The following DNAH10 variants were observed in gnomAD, a reference collection of about 807,000 sequenced individuals.
DNAH10 encodes the protein axonemal beta dynein heavy chain 10.
Under a neutral mutation model 506.6 loss-of-function variants are expected in DNAH10, and 348 were observed. The ratio of observed to expected loss-of-function variants is 0.69; its 90% CI spans 0.63 to 0.75. The LOEUF (loss-of-function observed/expected upper bound fraction) is 0.75. Ranked by LOEUF, DNAH10 falls within the 30% of genes least tolerant of loss-of-function variation. DNAH10 has a pLI of 0.00. For missense variants in DNAH10, 5,179 were observed against 5,787.1 expected, an observed-to-expected ratio of 0.89 and a Z score of 3.41; for synonymous variants, 2,059 against 2,198.6, an observed-to-expected ratio of 0.94 and a Z score of 1.78.
Position 123,909,410 on chromosome 12 carries a change from C to T in DNAH10, c.9965C>T (p.Ser3322Leu), listed in dbSNP as rs764702529. The T allele has an allele frequency of 1.9e-5, 31 of 1,607,136 alleles. No individual in the cohort carries two copies. The highest frequency in any genetic ancestry group is 9.4e-5 in the African/African-American group (7 of 74,824). Reference sequence around the variant, plus strand: ...TCTCTGATGGAGATTGATTTTGATTCGATTACCCAGAGCCAAGTGAAAAAC... The same window carrying T: ...TCTCTGATGGAGATTGATTTTGATTTGATTACCCAGAGCCAAGTGAAAAAC... The part of the protein sequence containing the change: ...LRSLMEIDFD[S>L]ITQSQVKNIK... Residue 3322 changes from serine to leucine, a missense_variant, in exon 58 of 79, where the codon TCG (serine) becomes TTG (leucine). Transcript: ENST00000673944. This position sits in a 1 kb window ranked among gnomAD's most constrained non-coding sequence, Gnocchi z 5.4.
chr12:123,851,133 C>T, intron 35 of DNAH10, 57 bp downstream of exon 35: 1 of 1,506,054 alleles, frequency 6.6e-7, no homozygotes, highest in Non-Finnish European at 8.9e-7. Flanking sequence ...GGGTCTGCTT[C>T]CAGACTGGGG....
intron 28 of DNAH10, among the ~76,000 whole-genome samples, chr12:123,836,583 C>T (rs562943182): frequency 2.0e-5 from 3 of 152,306 alleles, no homozygotes; most frequent in East Asian, 1.9e-4. Flanking sequence ...TCTCAAAGCC[C>T]GGGTATTTTG....
intron 23 of DNAH10, 27 bp downstream of exon 23, chr12:123,819,277 G>T (rs992230355): frequency 1.9e-5 from 29 of 1,541,030 alleles, no homozygotes; most frequent in Non-Finnish European, 2.6e-5. Flanking sequence ...TGGTCTTACT[G>T]AGCGATCTGA....
rs748320185 is a variant in DNAH10, at chr12:123,853,114, C to G, written c.6292-92C>G. The G allele has an allele frequency of 1.9e-4, 256 of 1,319,862 alleles. No homozygotes were observed. Among genetic ancestry groups the G allele is most frequent in the Non-Finnish European group, 2.4e-4 (239 of 1,005,758 alleles). 81.8% of individuals were successfully genotyped at this position (1,319,862 alleles called of 1,614,324 possible). A position where few individuals can be genotyped will look rare whatever the true frequency, so the allele number is the denominator to read the frequency against. On this transcript the variant is annotated intron_variant, in intron 35 of 78. Coordinates refer to ENST00000673944, the MANE Select transcript of DNAH10 (RefSeq NM_001372106.1). This position sits in a 1 kb window ranked among gnomAD's most constrained non-coding sequence, Gnocchi z 4.7. ...GAGCAGCTGCACTGGAACACCTGCCCCCGTTTTCTTGCATTTGTAGAATGA... is the reference window on the plus strand; with the variant it reads ...GAGCAGCTGCACTGGAACACCTGCCGCCGTTTTCTTGCATTTGTAGAATGA...
rs551591668 is a variant in DNAH10, at chr12:123,808,790, C to A, written c.2988-7C>A. Reference sequence around the variant, plus strand: ...CACTCTGAGTCTTTCTCATCAACCCCTCTTAGGAACTTGCAGTCTTTTAAT... The same window carrying A: ...CACTCTGAGTCTTTCTCATCAACCCATCTTAGGAACTTGCAGTCTTTTAAT... On this transcript the variant is annotated splice_polypyrimidine_tract_variant and splice_region_variant and intron_variant, in intron 18 of 78. Coordinates refer to ENST00000673944, the MANE Select transcript of DNAH10 (RefSeq NM_001372106.1). The A allele has an allele frequency of 6.2e-7, 1 of 1,613,922 alleles. No individual in the cohort carries two copies. Among genetic ancestry groups the A allele is most frequent in the Admixed American group, 1.7e-5 (1 of 59,986 alleles).
chr12:123,796,033 A>C (rs549512893), intron 12 of DNAH10, among the ~76,000 whole-genome samples: 7 of 152,278 alleles, frequency 4.6e-5, no homozygotes, highest in African/African-American at 1.4e-4. Flanking sequence ...TTAAAAAAAA[A>C]CCAAAGGTCT....
chr12:123,813,019 T>G, intron 19 of DNAH10, 145 bp from the exon 20 acceptor site: 1 of 634,912 alleles, frequency 1.6e-6, no homozygotes, highest in Non-Finnish European at 2.6e-6. Flanking sequence ...CAAAGGATTA[T>G]GGTAATTTTT....
chr12:123,900,579 C>T (rs1236947951), intron 56 of DNAH10, among the ~76,000 whole-genome samples: 1 of 152,180 alleles, frequency 6.6e-6, no homozygotes, highest in Non-Finnish European at 1.5e-5. Context: ...TCCAGGGTCA[C>T]CTTGCTCCCA....
chr12:123,789,031 C>A (rs979244074), intron 10 of DNAH10, among the ~76,000 whole-genome samples: 13 of 152,200 alleles, frequency 8.5e-5, no homozygotes, highest in Admixed American at 3.9e-4. Flanking sequence ...GGGCGGATCA[C>A]GAGGTCAGGA....
chr12:123,915,911 A>G (rs538744745), intron 62 of DNAH10, among the ~76,000 whole-genome samples: 7 of 152,186 alleles, frequency 4.6e-5, no homozygotes, highest in Non-Finnish European at 8.8e-5. Context: ...GGGCGGCCCA[A>G]TCACTTTTTG....
rs192273315 is a variant in DNAH10, at chr12:123,849,565, C to T, written c.6102+683C>T. 5.3e-5 allele frequency among the ~76,000 whole-genome samples: 8 copies of T among 152,270 alleles called. No homozygotes were observed. The East Asian group carries it at 1.5e-3, about 29-fold the overall frequency. On this transcript the variant is annotated intron_variant, in intron 34 of 78. Transcript: ENST00000673944. ...TTCCCTACACCGGGGTCTTCTGGGT[C>T]CCTTGCTGTCCTTCTGCCTCTGTCC... is the stretch of plus-strand genomic sequence containing the variant.
rs1950967939 is a variant in DNAH10 at position 123,846,897 on chromosome 12, G to A, written c.5814+743G>A. 6.6e-6 allele frequency among the ~76,000 whole-genome samples: 1 copy of A among 152,140 alleles called. No individual in the cohort carries two copies. Among genetic ancestry groups the A allele is most frequent in the Non-Finnish European group, 1.5e-5 (1 of 68,032 alleles). ...CTCCACATCACACCATGGGATTTGG[G>A]GGGACAAGGATAAAGGGAATGAGTG... On this transcript the variant is annotated intron_variant, in intron 32 of 78. Transcript: ENST00000673944. This position sits in a 1 kb window ranked among gnomAD's most constrained non-coding sequence, Gnocchi z 4.5.
chr12:123,809,669 C>CAACA (rs1233891896), intron 19 of DNAH10, among the ~76,000 whole-genome samples: 1 of 151,902 alleles, frequency 6.6e-6, no homozygotes, highest in African/African-American at 2.4e-5. Context: ...ACAACAACAA[C>CAACA]AACAACAACA....
At chr12:123,824,256 G>A (rs1959729051) in intron 24 of DNAH10, among the ~76,000 whole-genome samples, 2 of 152,144 alleles carry the variant, frequency 1.3e-5, no homozygotes, top group African/African-American at 4.8e-5. Context: ...CTGAGGAGCC[G>A]GAAGAGTGGA....
intron 56 of DNAH10, among the ~76,000 whole-genome samples, chr12:123,900,482 G>T (rs898773765): frequency 2.6e-5 from 4 of 152,192 alleles, no homozygotes; most frequent in Non-Finnish European, 5.9e-5. Flanking sequence ...GCCACAGTTT[G>T]TACTGAGGAC....
chr12:123,884,755 A>G (rs143586420), intron 51 of DNAH10, among the ~76,000 whole-genome samples: 14 of 152,282 alleles, frequency 9.2e-5, no homozygotes, highest in Non-Finnish European at 1.5e-4. Flanking sequence ...AAGAATCACT[A>G]TTGTTATGGA....
chr12:123,822,138 T>C (rs1959475870), intron 24 of DNAH10, among the ~76,000 whole-genome samples: 1 of 151,950 alleles, frequency 6.6e-6, no homozygotes, highest in African/African-American at 2.4e-5. Flanking sequence ...ACCCAGGAGG[T>C]GGAGGTTGCG....
chr12:123,824,575 A>G (rs1565951785), intron 24 of DNAH10, among the ~76,000 whole-genome samples: 1 of 152,178 alleles, frequency 6.6e-6, no homozygotes, highest in African/African-American at 2.4e-5. Flanking sequence ...ACAGAAATGT[A>G]TCTCCTCACG....
intron 19 of DNAH10, among the ~76,000 whole-genome samples, chr12:123,812,786 G>T (rs1958991599): frequency 1.3e-5 from 2 of 152,140 alleles, no homozygotes; most frequent in Non-Finnish European, 2.9e-5. Flanking sequence ...AGCTCTGATG[G>T]GTGGCGGCTG....
Sources: gnomAD v4.1 joint callset for allele counts (sites outside exome capture counted in the v4.1 genomes callset) on GRCh38, gnomAD v4.1.1 for gene constraint, Gnocchi (gnomAD v3.1) non-coding constraint, MANE v1.5 for transcripts, NCBI Gene and HGNC (gene_info 2026-07-23, HGNC 2026-07-21) for gene names.